The following FBXW4 variants were observed in gnomAD, a reference collection of about 807,000 sequenced individuals.
FBXW4 encodes F-box/WD repeat-containing protein 4.
A neutral mutation model predicts 61.8 loss-of-function variants in FBXW4; 40 were observed. The ratio of observed to expected loss-of-function variants is 0.65; its 90% CI spans 0.50 to 0.84. The LOEUF (loss-of-function observed/expected upper bound fraction) is 0.84, where lower values mean the gene tolerates loss of function less well. Among genes scored for constraint, FBXW4 ranks in the 40% least tolerant of loss-of-function variants. The probability of loss-of-function intolerance (pLI) is 0.00; values close to 1 mark genes in which losing one functional copy is unlikely to be tolerated. For synonymous variants in FBXW4, 311 were observed against 313.8 expected, an observed-to-expected ratio of 0.99 and a Z score of 0.10; for missense variants, 672 against 753.8, an observed-to-expected ratio of 0.89 and a Z score of 1.27.
intron 1 of FBXW4, among the ~76,000 whole-genome samples, chr10:101,684,891 C>A (rs2064518711): frequency 6.6e-6 from 1 of 152,160 alleles, no homozygotes; most frequent in African/African-American, 2.4e-5. Context: ...TGAAGGGAAA[C>A]TGTAGGAAAC....
At chr10:101,680,413 C>A (rs1296826210) in intron 1 of FBXW4, among the ~76,000 whole-genome samples, 1 of 152,002 alleles carries the variant, frequency 6.6e-6, no homozygotes, top group African/African-American at 2.4e-5. Context: ...TTAAAAGCAA[C>A]AGAGTAGGGG....
intron 1 of FBXW4, among the ~76,000 whole-genome samples, chr10:101,683,361 C>G (rs1286564659): frequency 6.6e-6 from 1 of 152,274 alleles, no homozygotes; most frequent in Non-Finnish European, 1.5e-5. Flanking sequence ...CCCTCCTTCT[C>G]TTGCCTCAGG....
chr10:101,692,118 TGTA>T (rs2064610746), intron 1 of FBXW4, among the ~76,000 whole-genome samples: 1 of 151,552 alleles, frequency 6.6e-6, no homozygotes, highest in East Asian at 1.9e-4. Context: ...TGAACAGAAG[TGTA>T]GAAGTGACAC....
Position 101,694,427 on chromosome 10 carries a change from C to G in FBXW4, c.679G>C (p.Ala227Pro). 6.6e-7 allele frequency: 1 copy of G among 1,526,682 alleles called. No homozygotes were observed. The highest frequency in any genetic ancestry group is 1.2e-5 in the South Asian group (1 of 81,642). 94.6% of individuals were successfully genotyped at this position (1,526,682 alleles called of 1,614,324 possible). A position where few individuals can be genotyped will look rare whatever the true frequency, so the allele number is the denominator to read the frequency against. ...TSCDLLWRRI[A>P]RASLNSGFTR... ...AAGCCGGAGTTGAGCGAGGCCCGGGCTATCCGGCGCCAGAGCAGATCGCAG... is the reference window on the plus strand; with the variant it reads ...AAGCCGGAGTTGAGCGAGGCCCGGGGTATCCGGCGCCAGAGCAGATCGCAG... Residue 227 changes from alanine to proline, a missense_variant, in exon 1 of 9, where the codon GCC (alanine) becomes CCC (proline). By Grantham distance (27) the Ala-to-Pro change is conservative. Coordinates refer to ENST00000331272, the MANE Select transcript of FBXW4 (RefSeq NM_022039.4). This position sits in a 1 kb window ranked among gnomAD's most constrained non-coding sequence, Gnocchi z 6.0.
intron 6 of FBXW4, among the ~76,000 whole-genome samples, chr10:101,615,977 T>C (rs1401178656): frequency 1.3e-5 from 2 of 152,196 alleles, no homozygotes; most frequent in Non-Finnish European, 2.9e-5. Context: ...CAGCTCAGCA[T>C]GTCCGTGGCT....
chr10:101,663,629 C>G (rs895021470), intron 5 of FBXW4, among the ~76,000 whole-genome samples: 1 of 149,988 alleles, frequency 6.7e-6, no homozygotes, highest in Non-Finnish European at 1.5e-5. Flanking sequence ...CAGGCAAGAC[C>G]CTGTCTCAAA....
In FBXW4 at chr10:101,611,682, G is replaced by A. The variant is rs775562242; in HGVS notation, c.1530C>T (p.Ser510=). The A allele has an allele frequency of 6.2e-6, 10 of 1,614,080 alleles. No homozygotes were observed. In the African/African-American group the frequency reaches 1.3e-4, roughly 22 times the overall value. ...ACAGCCGTACAACACCGTAGTAGGAGGAACCTGTGGCCAGCAGGTGGTTGC... is the reference window on the plus strand; with the variant it reads ...ACAGCCGTACAACACCGTAGTAGGAAGAACCTGTGGCCAGCAGGTGGTTGC... ...TDGNHLLATG[S]SYYGVVRLWD... is the part of the protein sequence containing the mutation. The change falls in exon 8 of 9, where the codon TCC becomes TCT. Residue 510 remains serine (S), a synonymous_variant. Transcript: ENST00000331272. This position sits in a 1 kb window ranked among gnomAD's most constrained non-coding sequence, Gnocchi z 4.9.
chr10:101,646,417 G>T (rs1412230581), intron 5 of FBXW4, among the ~76,000 whole-genome samples: 1 of 152,238 alleles, frequency 6.6e-6, no homozygotes, highest in Non-Finnish European at 1.5e-5. Flanking sequence ...AAATGCAGGG[G>T]TCCCTGTGCC....
intron 6 of FBXW4, among the ~76,000 whole-genome samples, chr10:101,614,078 G>T (rs1589735997): frequency 6.6e-6 from 1 of 152,362 alleles, no homozygotes; most frequent in Non-Finnish European, 1.5e-5. Flanking sequence ...GCAGGCCAGA[G>T]CCCTGTAGGG....
intron 1 of FBXW4, among the ~76,000 whole-genome samples, chr10:101,693,154 A>G (rs1180234451): frequency 6.6e-6 from 1 of 152,218 alleles, no homozygotes; most frequent in African/African-American, 2.4e-5. Flanking sequence ...AGTGGCAAAG[A>G]TTTTCTAAAT....
At chr10:101,693,358 T>C (rs1298160929) in intron 1 of FBXW4, among the ~76,000 whole-genome samples, 1 of 152,224 alleles carries the variant, frequency 6.6e-6, no homozygotes, top group Non-Finnish European at 1.5e-5. Context: ...TATTTCATTA[T>C]TATCTATAAT....
intron 6 of FBXW4, among the ~76,000 whole-genome samples, chr10:101,617,240 C>T (rs1242948883): frequency 6.6e-6 from 1 of 152,156 alleles, no homozygotes; most frequent in Non-Finnish European, 1.5e-5. Flanking sequence ...AGGGGTCACG[C>T]ACCTAGTAAA....
chr10:101,637,580 T>C (rs1302504008), intron 5 of FBXW4, among the ~76,000 whole-genome samples: 2 of 149,534 alleles, frequency 1.3e-5, no homozygotes, highest in Non-Finnish European at 3.0e-5. Flanking sequence ...TGGTGGTGCA[T>C]GCCTGTAATC....
chr10:101,694,322 C>G lies in FBXW4; in HGVS notation c.725+59G>C, dbSNP rs983120646. On this transcript the variant is annotated intron_variant, in intron 1 of 8. Coordinates refer to ENST00000331272, the MANE Select transcript of FBXW4 (RefSeq NM_022039.4). This position sits in a 1 kb window ranked among gnomAD's most constrained non-coding sequence, Gnocchi z 6.0. Reference sequence around the variant, plus strand: ...GCCGACCAGGCCGCGGCGCCCCGCCCTTTCCCGGGACGCGGGGCCGGCTCG... The same window carrying G: ...GCCGACCAGGCCGCGGCGCCCCGCCGTTTCCCGGGACGCGGGGCCGGCTCG... 2.2e-6 allele frequency: 3 copies of G among 1,333,430 alleles called. No homozygotes were observed. The highest frequency in any genetic ancestry group is 2.0e-5 in the South Asian group (1 of 51,256). 82.6% of individuals were successfully genotyped at this position (1,333,430 alleles called of 1,614,324 possible).
At chr10:101,675,513 T>C (rs919594533) in intron 2 of FBXW4, among the ~76,000 whole-genome samples, 9 of 152,080 alleles carry the variant, frequency 5.9e-5, no homozygotes, top group African/African-American at 2.2e-4. Context: ...GTAGTTTCTT[T>C]ACCATCATCA....
intron 5 of FBXW4, among the ~76,000 whole-genome samples, chr10:101,646,755 G>A (rs1250668607): frequency 2.0e-5 from 3 of 152,212 alleles, no homozygotes; most frequent in Non-Finnish European, 4.4e-5. Context: ...AGAGGGAGAA[G>A]GATGAAAGGT....
At chr10:101,620,657 G>T (rs918625706) in intron 6 of FBXW4, among the ~76,000 whole-genome samples, 19 of 151,824 alleles carry the variant, frequency 1.3e-4, no homozygotes, top group African/African-American at 2.7e-4. Context: ...ATTTTTTTTT[G>T]ATAAGAAACA....
In FBXW4 at chr10:101,672,035, T is replaced by C. The variant is rs2064362269; in HGVS notation, c.1140+880A>G. Among the ~76,000 whole-genome samples, 5 of 152,226 alleles carry C rather than the reference T, an allele frequency of 3.3e-5. No individual in the cohort carries two copies. The South Asian group carries it at 1.0e-3, about 32-fold the overall frequency. Reference sequence around the variant, plus strand: ...AGTCAGAGAAGTTACTGAGTAAAGATTGCAATTTCCCTCTCCTGAGTCCTC... The same window carrying C: ...AGTCAGAGAAGTTACTGAGTAAAGACTGCAATTTCCCTCTCCTGAGTCCTC... On this transcript the variant is annotated intron_variant, in intron 4 of 8. Coordinates refer to ENST00000331272, the MANE Select transcript of FBXW4 (RefSeq NM_022039.4).
At chr10:101,676,466 C>T (rs768601295) in intron 1 of FBXW4, 30 bp from the exon 2 acceptor site, 2 of 1,574,748 alleles carry the variant, frequency 1.3e-6, no homozygotes, top group South Asian at 2.2e-5. Context: ...ATAATCCAAT[C>T]ACTACAACTT....
Sources: gnomAD v4.1 joint callset for allele counts (sites outside exome capture counted in the v4.1 genomes callset) on GRCh38, gnomAD v4.1.1 for gene constraint, Gnocchi (gnomAD v3.1) non-coding constraint, MANE v1.5 for transcripts, NCBI Gene and HGNC (gene_info 2026-07-23, HGNC 2026-07-21) for gene names.